The following FLNB variants were observed in gnomAD, a reference collection of about 807,000 sequenced individuals.
FLNB encodes the protein filamin-B.
In FLNB, 111 loss-of-function variants were observed where a neutral mutation model predicts 250.6. The observed-to-expected ratio is 0.44, with a 90% CI of 0.38 to 0.52. The LOEUF is 0.52. Ranked by LOEUF, FLNB falls within the 20% of genes least tolerant of loss-of-function variation. FLNB has a pLI of 0.00. For missense variants in FLNB, 2,869 were observed against 3,447.8 expected (o/e 0.83, Z 4.20); for synonymous variants, 1,302 against 1,372.1 (o/e 0.95, Z 1.13).
chr3:58,102,672 C>T (rs1161952226), intron 9 of FLNB, among the ~76,000 whole-genome samples: 1 of 152,190 alleles, frequency 6.6e-6, no homozygotes, highest in African/African-American at 2.4e-5. Context: ...GAGGAAGGCT[C>T]TTGCCTAAGG....
At chr3:58,068,697 G>C (rs1243723674) in intron 1 of FLNB, among the ~76,000 whole-genome samples, 56 of 152,210 alleles carry the variant, frequency 3.7e-4, no homozygotes, top group Non-Finnish European at 2.5e-4. Flanking sequence ...ACCAGGTCCT[G>C]CTGGCCTGGG....
rs1158368549 is a variant in FLNB, at chr3:58,169,265, A to T, written c.7418-325A>T. ...CCAAACTTTTACACTGCTTATACAT[A>T]GACTATTTTATGTCAATAGAAAGAT... On this transcript the variant is annotated intron_variant, in intron 44 of 45. Coordinates refer to ENST00000295956, the MANE Select transcript of FLNB (RefSeq NM_001457.4). This position sits in a 1 kb window ranked among gnomAD's most constrained non-coding sequence, Gnocchi z 4.8. The T allele has an allele frequency of 5.2e-6, 2 of 385,668 alleles. No individual in the cohort carries two copies. Among genetic ancestry groups the T allele is most frequent in the Admixed American group, 3.9e-5 (1 of 25,962 alleles). 23.9% of individuals were successfully genotyped at this position (385,668 alleles called of 1,614,324 possible). A position where few individuals can be genotyped will look rare whatever the true frequency, so the allele number is the denominator to read the frequency against.
At chr3:58,056,431 C>T (rs986913335) in intron 1 of FLNB, among the ~76,000 whole-genome samples, 4 of 151,724 alleles carry the variant, frequency 2.6e-5, no homozygotes, top group African/African-American at 9.7e-5. Context: ...AGACCTTAGA[C>T]CCTAAGCCTA....
rs865789482 is a variant in FLNB at position 58,131,782 on chromosome 3, C to A, written c.4390+874C>A. 4 of 651,842 alleles carry A rather than the reference C, an allele frequency of 6.1e-6. No individual in the cohort carries two copies. In the Middle Eastern group the frequency reaches 1.1e-3, roughly 184 times the overall value. 40.4% of individuals were successfully genotyped at this position (651,842 alleles called of 1,614,324 possible). A position where few individuals can be genotyped will look rare whatever the true frequency, so the allele number is the denominator to read the frequency against. The stretch of plus-strand genomic sequence containing the variant: ...GATCAGATTCTGTGAAGTTACTGAG[C>A]TTCAGGACCTGCATGTGTTTGTGTG... On this transcript the variant is annotated intron_variant, in intron 25 of 45. Coordinates refer to ENST00000295956, the MANE Select transcript of FLNB (RefSeq NM_001457.4).
At chr3:58,038,070 C>T (rs1203896650) in intron 1 of FLNB, among the ~76,000 whole-genome samples, 1 of 152,104 alleles carries the variant, frequency 6.6e-6, no homozygotes, top group Admixed American at 6.5e-5. Context: ...GCTCTTGTTG[C>T]CCAGGCTAGA....
intron 1 of FLNB, among the ~76,000 whole-genome samples, chr3:58,062,594 TCAG>T (rs1559666540): frequency 6.6e-6 from 1 of 152,174 alleles, no homozygotes; most frequent in Non-Finnish European, 1.5e-5. Flanking sequence ...TAATTTTCTA[TCAG>T]CAGTGGCCCC....
chr3:58,149,742 A>T, intron 36 of FLNB, 108 bp from the exon 37 acceptor site: 2 of 1,403,612 alleles, frequency 1.4e-6, no homozygotes, highest in Non-Finnish European at 2.0e-6. Flanking sequence ...TCTTTCTGCT[A>T]TGTAGAAATA....
At chr3:58,163,614 G>C (rs1010880572) in intron 43 of FLNB, 1 of 467,494 alleles carries the variant, frequency 2.1e-6, no homozygotes, top group Non-Finnish European at 3.9e-6. Context: ...TTCAGAACAG[G>C]ATGCTGATAG....
In FLNB at chr3:58,126,650, G is replaced by A. The variant is rs1424416948; in HGVS notation, c.4110G>A (p.Glu1370=). The change falls in exon 24 of 46, where the codon GAG becomes GAA. Residue 1370 remains glutamate, a synonymous_variant. Transcript: ENST00000295956. ...GLGITVEGPS[E]SKINCRDNKD... is the part of the protein sequence containing the mutation. ...GCATAACTGTTGAGGGACCATCAGA[G>A]TCGAAGATAAATTGCAGAGACAACA... 1 of 1,614,082 alleles carries A rather than the reference G, an allele frequency of 6.2e-7. No homozygotes were observed. Among genetic ancestry groups the A allele is most frequent in the South Asian group, 1.1e-5 (1 of 91,082 alleles).
chr3:58,161,364 T>C (rs2097361457), intron 42 of FLNB, among the ~76,000 whole-genome samples: 2 of 152,180 alleles, frequency 1.3e-5, no homozygotes, highest in African/African-American at 4.8e-5. Context: ...TTTAATATTT[T>C]ACTTTGAGGG....
At chr3:58,103,325 C>T (rs1396686094) in intron 9 of FLNB, among the ~76,000 whole-genome samples, 1 of 150,766 alleles carries the variant, frequency 6.6e-6, no homozygotes, top group Non-Finnish European at 1.5e-5. Flanking sequence ...CGTATGTGTG[C>T]GTACGTGTGT....
chr3:58,073,766 CTTCATTCAGG>C (rs941810949), intron 1 of FLNB, among the ~76,000 whole-genome samples: 1 of 152,158 alleles, frequency 6.6e-6, no homozygotes, highest in Non-Finnish European at 1.5e-5. Flanking sequence ...GAAAAATCCA[CTTCATTCAGG>C]TTCATTCAGG....
chr3:58,109,211 G>A lies in FLNB; in HGVS notation c.2088G>A (p.Met696Ile). ...DGEGQRIDIQ[M>I]KNRMDGTYAC... ...AAGGCCAACGCATTGACATCCAGAT[G>A]AAGAACCGGATGGACGGCACATATG... Residue 696 changes from methionine to isoleucine, a missense_variant, in exon 14 of 46, where the codon ATG (methionine) becomes ATA (isoleucine). Transcript: ENST00000295956. 1 of 1,614,242 alleles carries A rather than the reference G, an allele frequency of 6.2e-7. No individual in the cohort carries two copies. The highest frequency in any genetic ancestry group is 8.5e-7 in the Non-Finnish European group (1 of 1,180,050).
rs575153427 is a variant in FLNB, at chr3:58,145,862, A to G, written c.5426-59A>G. 1.8e-4 allele frequency: 289 copies of G among 1,611,858 alleles called. 5 individuals carry two copies. Among genetic ancestry groups the G allele is most frequent in the Middle Eastern group, 1.2e-3 (7 of 6,054 alleles). On this transcript the variant is annotated intron_variant, in intron 32 of 45. Coordinates refer to ENST00000295956, the MANE Select transcript of FLNB (RefSeq NM_001457.4). ...GTGGACGTCAAGATGCCAGTTGTCCAGGGTCTTCGTTCACCCCTTAATGAG... is the reference window on the plus strand; with the variant it reads ...GTGGACGTCAAGATGCCAGTTGTCCGGGGTCTTCGTTCACCCCTTAATGAG...
intron 1 of FLNB, among the ~76,000 whole-genome samples, chr3:58,065,460 GTGTCACTT>G (rs1339869253): frequency 3.3e-4 from 50 of 152,220 alleles, no homozygotes; most frequent in Admixed American, 3.2e-3. Context: ...TTCTCCCCCT[GTGTCACTT>G]TTGGCAGTTG....
intron 41 of FLNB, among the ~76,000 whole-genome samples, chr3:58,157,753 C>T (rs112604026): frequency 2.6e-5 from 4 of 152,252 alleles, no homozygotes; most frequent in African/African-American, 4.8e-5. Flanking sequence ...TAGCGGCAAG[C>T]GGATTCAGGT....
chr3:58,090,471 C>T lies in FLNB; in HGVS notation c.788-4365C>T, dbSNP rs570402463. Among the ~76,000 whole-genome samples the T allele has an allele frequency of 1.6e-4, 25 of 152,284 alleles. No homozygotes were observed. The East Asian group carries it at 4.6e-3, about 28-fold the overall frequency. On this transcript the variant is annotated intron_variant, in intron 4 of 45. Transcript: ENST00000295956. ...TTATCATCAAGTATTATGTATTGAA[C>T]ATAATTGTCTGTGCTATATATGTTT... is the stretch of plus-strand genomic sequence containing the variant.
At chr3:58,050,576 G>A (rs1037791489) in intron 1 of FLNB, among the ~76,000 whole-genome samples, 1 of 152,152 alleles carries the variant, frequency 6.6e-6, no homozygotes, top group African/African-American at 2.4e-5. Context: ...ATTACCCAAG[G>A]CAGTTCTGCC....
chr3:58,025,080 G>A (rs1203487528), intron 1 of FLNB, among the ~76,000 whole-genome samples: 5 of 126,400 alleles, frequency 4.0e-5, no homozygotes, highest in Non-Finnish European at 3.3e-5. Flanking sequence ...CTCCTGTAAT[G>A]TCCTTCCCTT....
Sources: gnomAD v4.1 joint callset for allele counts (sites outside exome capture counted in the v4.1 genomes callset) on GRCh38, gnomAD v4.1.1 for gene constraint, Gnocchi (gnomAD v3.1) non-coding constraint, MANE v1.5 for transcripts, NCBI Gene and HGNC (gene_info 2026-07-23, HGNC 2026-07-21) for gene names.